The following THSD7B variants were observed in gnomAD, a reference collection of about 807,000 sequenced individuals.
THSD7B encodes the protein thrombospondin type-1 domain-containing protein 7B.
Under a neutral mutation model 213.6 loss-of-function variants are expected in THSD7B, and 138 were observed. That is an observed-to-expected ratio of 0.65 (90% CI 0.56 to 0.74). The LOEUF (loss-of-function observed/expected upper bound fraction) is 0.74. Ranked by LOEUF, THSD7B falls within the 30% of genes least tolerant of loss-of-function variation. THSD7B has a pLI of 0.00. For synonymous variants in THSD7B, 742 were observed against 687.0 expected (o/e 1.08, Z -1.25); for missense variants, 1,931 against 1,991.5 (o/e 0.97, Z 0.58).
At chr2:137,488,294 A>G (rs190856325) in intron 15 of THSD7B, among the ~76,000 whole-genome samples, 9 of 152,200 alleles carry the variant, frequency 5.9e-5, no homozygotes, top group African/African-American at 2.2e-4. Context: ...TCATATGTAT[A>G]TGCACACACA....
At chr2:137,067,777 G>A (rs1021064669) in intron 3 of THSD7B, among the ~76,000 whole-genome samples, 1 of 151,920 alleles carries the variant, frequency 6.6e-6, no homozygotes, top group South Asian at 2.1e-4. Context: ...TCCTGTGAGG[G>A]CAGAACCAAG....
intron 1 of THSD7B, among the ~76,000 whole-genome samples, chr2:136,856,245 T>A (rs1683179588): frequency 6.6e-6 from 1 of 152,214 alleles, no homozygotes; most frequent in South Asian, 2.1e-4. Flanking sequence ...GGGAATCAGA[T>A]AAACTTGGGC....
intron 15 of THSD7B, among the ~76,000 whole-genome samples, chr2:137,471,091 T>C (rs1348563931): frequency 6.6e-6 from 1 of 151,868 alleles, no homozygotes; most frequent in Non-Finnish European, 1.5e-5. Flanking sequence ...GGCTAATGTT[T>C]TATATTTTTA....
chr2:137,014,583 T>TG (rs1334375216), intron 2 of THSD7B, among the ~76,000 whole-genome samples: 1 of 152,180 alleles, frequency 6.6e-6, no homozygotes. Context: ...TTCTTTCATT[T>TG]GGTCTATTAA....
At chr2:137,646,193 A>G (rs1683027842) in intron 21 of THSD7B, among the ~76,000 whole-genome samples, 1 of 152,198 alleles carries the variant, frequency 6.6e-6, no homozygotes. Context: ...GATGGAATTC[A>G]GAAGTGGAGT....
chr2:136,848,910 C>A (rs1683052297), intron 1 of THSD7B, among the ~76,000 whole-genome samples: 1 of 152,202 alleles, frequency 6.6e-6, no homozygotes. Flanking sequence ...ATAATTTTGA[C>A]AGCAACAATA....
At chr2:137,174,912 A>G (rs763893260) in intron 7 of THSD7B, among the ~76,000 whole-genome samples, 1 of 152,198 alleles carries the variant, frequency 6.6e-6, no homozygotes, top group Non-Finnish European at 1.5e-5. Context: ...AGATTCAAAA[A>G]TGCAAGCCCA....
At chr2:136,804,451 T>C (rs1398351831) in intron 1 of THSD7B, among the ~76,000 whole-genome samples, 1 of 148,688 alleles carries the variant, frequency 6.7e-6, no homozygotes, top group Non-Finnish European at 1.5e-5. Context: ...CTTACCCTTG[T>C]GTGTTTTACA....
chr2:137,124,734 T>G (rs1365071627), intron 5 of THSD7B, among the ~76,000 whole-genome samples: 1 of 152,224 alleles, frequency 6.6e-6, no homozygotes, highest in East Asian at 1.9e-4. Flanking sequence ...ATTTTTAAAT[T>G]GACAAGTAAA....
intron 2 of THSD7B, among the ~76,000 whole-genome samples, chr2:136,977,387 T>C (rs181158037): frequency 7.1e-4 from 107 of 151,282 alleles, no homozygotes; most frequent in Non-Finnish European, 1.3e-3. Context: ...CCTAGCAGTC[T>C]ATTAATTTTT....
At chr2:136,856,494 A>G (rs1182134545) in intron 1 of THSD7B, among the ~76,000 whole-genome samples, 2 of 151,628 alleles carry the variant, frequency 1.3e-5, no homozygotes, top group African/African-American at 2.4e-5. Context: ...GAAGACACAG[A>G]TCACTCCATT....
rs567462327 is a variant in THSD7B, at chr2:137,067,940, G to A, written c.950+10710G>A. ...AGTATAGGGTCCCCACTAGAACTGG[G>A]CTCCCTTAAAGTTTTTAACTATAAA... On this transcript the variant is annotated intron_variant, in intron 3 of 27. Coordinates refer to ENST00000409968, the MANE Select transcript of THSD7B (RefSeq NM_001316349.2). Among the ~76,000 whole-genome samples the A allele has an allele frequency of 3.2e-4, 48 of 152,126 alleles. 1 individual carries two copies. Among genetic ancestry groups the A allele is most frequent in the Middle Eastern group, 3.4e-3 (1 of 294 alleles).
chr2:136,866,834 G>A (rs1683341978), intron 1 of THSD7B, among the ~76,000 whole-genome samples: 1 of 152,182 alleles, frequency 6.6e-6, no homozygotes, highest in Non-Finnish European at 1.5e-5. Context: ...AGAAAGCTGG[G>A]TTTCTAGCAG....
chr2:137,444,563 A>G (rs1453305), intron 14 of THSD7B, among the ~76,000 whole-genome samples: 84,658 of 151,778 alleles, frequency 0.56, 26,750 homozygotes, highest in East Asian at 0.77. Flanking sequence ...AGAAAACTGG[A>G]TATCCATGTG....
chr2:137,096,079 T>C (rs533136032), intron 4 of THSD7B, among the ~76,000 whole-genome samples: 58 of 152,212 alleles, frequency 3.8e-4, no homozygotes, highest in African/African-American at 1.2e-3. Flanking sequence ...TGTTTTCCTT[T>C]AGGTTGTTGG....
At chr2:137,621,406 G>A (rs1290087639) in intron 20 of THSD7B, among the ~76,000 whole-genome samples, 2 of 152,170 alleles carry the variant, frequency 1.3e-5, no homozygotes, top group African/African-American at 4.8e-5. Context: ...ATGTTGTAAA[G>A]GAAAGGTAGT....
intron 12 of THSD7B, among the ~76,000 whole-genome samples, chr2:137,304,902 T>C (rs973352332): frequency 1.3e-5 from 2 of 152,098 alleles, no homozygotes; most frequent in African/African-American, 4.8e-5. Flanking sequence ...TGTACATGAG[T>C]AGCTTAGTTT....
chr2:136,927,372 A>C (rs887377011), intron 2 of THSD7B, among the ~76,000 whole-genome samples: 3 of 152,312 alleles, frequency 2.0e-5, no homozygotes, highest in Non-Finnish European at 2.9e-5. Flanking sequence ...TTATTACGCA[A>C]GAATATTAAG....
At chr2:136,975,873 T>G (rs1685472266) in intron 2 of THSD7B, among the ~76,000 whole-genome samples, 2 of 152,208 alleles carry the variant, frequency 1.3e-5, no homozygotes, top group South Asian at 2.1e-4. Flanking sequence ...GAGCAATGGC[T>G]TCTAGTTCTC....
Sources: allele counts gnomAD v4.1 joint callset (sites outside exome capture counted in the v4.1 genomes callset), GRCh38; gene constraint gnomAD v4.1.1; transcripts MANE v1.5; gene names NCBI Gene and HGNC (gene_info 2026-07-23, HGNC 2026-07-21).